Variants in NRXN3 observed in about 807,000 individuals in gnomAD.
NRXN3 encodes neurexin 3.
In NRXN3, 32 loss-of-function variants were observed where a neutral mutation model predicts 137.6. The observed-to-expected ratio is 0.23, with a 90% CI of 0.18 to 0.31. NRXN3 has a LOEUF of 0.31. Ranked by LOEUF, NRXN3 falls within the 10% of genes least tolerant of loss-of-function variation. The pLI is 1.00. For missense variants in NRXN3, 1,574 were observed against 2,062.5 expected, an observed-to-expected ratio of 0.76 and a Z score of 4.59; for synonymous variants, 798 against 784.5, an observed-to-expected ratio of 1.02 and a Z score of -0.29.
chr14:79,609,134 C>T (rs2098065247), intron 16 of NRXN3, among the ~76,000 whole-genome samples: 1 of 151,988 alleles, frequency 6.6e-6, no homozygotes, highest in African/African-American at 2.4e-5. Context: ...TTCACTGTGA[C>T]TCATTATGGT....
intron 15 of NRXN3, among the ~76,000 whole-genome samples, chr14:79,261,836 G>A (rs112292415): frequency 0.027 from 4,146 of 152,144 alleles, 211 homozygotes; most frequent in African/African-American, 0.094. Flanking sequence ...AGAGGGTACC[G>A]AGGAGGGGCT....
At chr14:78,852,193 C>T (rs1393026111) in intron 10 of NRXN3, among the ~76,000 whole-genome samples, 2 of 152,128 alleles carry the variant, frequency 1.3e-5, no homozygotes, top group African/African-American at 4.8e-5. Context: ...TCAAGAGTCC[C>T]TGCATCCAGA....
intron 8 of NRXN3, among the ~76,000 whole-genome samples, chr14:78,783,073 G>A (rs1432984873): frequency 6.6e-6 from 1 of 152,152 alleles, no homozygotes; most frequent in Non-Finnish European, 1.5e-5. Flanking sequence ...ATTTGCATAG[G>A]CTCAAAGTAT....
At chr14:79,774,972 G>A (rs573216373) in intron 19 of NRXN3, among the ~76,000 whole-genome samples, 55 of 151,954 alleles carry the variant, frequency 3.6e-4, no homozygotes, top group African/African-American at 1.3e-3. Context: ...GTGTGTGTAC[G>A]TATAACAAGT....
At chr14:78,386,841 T>G (rs1012575325) in intron 4 of NRXN3, among the ~76,000 whole-genome samples, 1 of 151,950 alleles carries the variant, frequency 6.6e-6, no homozygotes, top group South Asian at 2.1e-4. Context: ...AGTGCAGCGG[T>G]GCCATCTTGG....
chr14:79,252,170 T>C (rs2153378149), intron 15 of NRXN3, among the ~76,000 whole-genome samples: 1 of 152,290 alleles, frequency 6.6e-6, no homozygotes, highest in East Asian at 1.9e-4. Flanking sequence ...GTTAATCAGA[T>C]GCCTCCAATT....
intron 8 of NRXN3, among the ~76,000 whole-genome samples, chr14:78,724,978 G>A (rs548293719): frequency 2.0e-5 from 3 of 152,260 alleles, no homozygotes; most frequent in South Asian, 2.1e-4. Flanking sequence ...TTTCTGCCAG[G>A]TAGATGCAGT....
At chr14:78,489,031 T>C (rs568789482) in intron 4 of NRXN3, among the ~76,000 whole-genome samples, 41 of 152,210 alleles carry the variant, frequency 2.7e-4, no homozygotes, top group South Asian at 6.2e-4. Context: ...AGTGACTACA[T>C]CAGAGAGATG....
intron 4 of NRXN3, among the ~76,000 whole-genome samples, chr14:78,549,378 T>C (rs914324487): frequency 6.6e-6 from 1 of 152,218 alleles, no homozygotes; most frequent in African/African-American, 2.4e-5. Context: ...TTGATTACTC[T>C]TAGTTTTTAC....
At chr14:79,480,872 C>A (rs1367793435) in intron 16 of NRXN3, among the ~76,000 whole-genome samples, 1 of 152,136 alleles carries the variant, frequency 6.6e-6, no homozygotes, top group African/African-American at 2.4e-5. Context: ...TTGCCTCCTG[C>A]CATGATTGTA....
At chr14:79,195,172 G>A (rs1665351407) in intron 15 of NRXN3, among the ~76,000 whole-genome samples, 1 of 152,116 alleles carries the variant, frequency 6.6e-6, no homozygotes, top group Non-Finnish European at 1.5e-5. Context: ...ATGACAAGAT[G>A]CTCCCAGTGA....
chr14:79,209,320 A>T (rs1050614048), intron 15 of NRXN3, among the ~76,000 whole-genome samples: 3 of 152,128 alleles, frequency 2.0e-5, no homozygotes, highest in Non-Finnish European at 4.4e-5. Context: ...TATTAAAAAA[A>T]AAAAACAGAG....
intron 10 of NRXN3, among the ~76,000 whole-genome samples, chr14:78,870,252 CA>C (rs2099098077): frequency 6.6e-6 from 1 of 152,174 alleles, no homozygotes; most frequent in Non-Finnish European, 1.5e-5. Flanking sequence ...AAGTCTTTAT[CA>C]ATCTTGGTAT....
At chr14:79,427,663 C>G (rs1476796108) in intron 15 of NRXN3, among the ~76,000 whole-genome samples, 2 of 151,988 alleles carry the variant, frequency 1.3e-5, no homozygotes, top group African/African-American at 4.8e-5. Flanking sequence ...GAAACCCCAT[C>G]TCTACTAAAA....
intron 16 of NRXN3, among the ~76,000 whole-genome samples, chr14:79,529,372 G>A (rs2153715460): frequency 6.6e-6 from 1 of 152,328 alleles, no homozygotes; most frequent in South Asian, 2.1e-4. Context: ...TAGCTACTGG[G>A]TTTAGGCCAG....
intron 20 of NRXN3, among the ~76,000 whole-genome samples, chr14:79,845,498 T>A (rs1410827253): frequency 6.6e-6 from 1 of 151,768 alleles, no homozygotes; most frequent in Non-Finnish European, 1.5e-5. Context: ...AATTTCTATA[T>A]TGCTGTGTCT....
At chr14:78,263,530 T>C (rs2071141683) in intron 2 of NRXN3, among the ~76,000 whole-genome samples, 1 of 152,202 alleles carries the variant, frequency 6.6e-6, no homozygotes, top group Non-Finnish European at 1.5e-5. Flanking sequence ...GTCATATAAT[T>C]CCTCGATTCA....
At chr14:78,818,485 A>T (rs2098941172) in intron 10 of NRXN3, among the ~76,000 whole-genome samples, 2 of 152,164 alleles carry the variant, frequency 1.3e-5, no homozygotes, top group African/African-American at 4.8e-5. Context: ...AAAATTAACC[A>T]AGGAGTGAAT....
intron 16 of NRXN3, among the ~76,000 whole-genome samples, chr14:79,642,989 T>C (rs1489900703): frequency 2.2e-5 from 3 of 136,034 alleles, no homozygotes; most frequent in African/African-American, 7.3e-5. Flanking sequence ...TAGAAGACTC[T>C]GCCAGCAGAA....
Sources: gnomAD v4.1 joint callset for allele counts (sites outside exome capture counted in the v4.1 genomes callset) on GRCh38, gnomAD v4.1.1 for gene constraint, MANE v1.5 for transcripts, NCBI Gene and HGNC (gene_info 2026-07-23, HGNC 2026-07-21) for gene names.